MYLK4: variants seen among roughly 807,000 people sequenced by gnomAD.
MYLK4 encodes caMLCK like.
A neutral mutation model predicts 48.1 loss-of-function variants in MYLK4; 46 were observed. The observed-to-expected ratio is 0.96, with a 90% CI of 0.75 to 1.22. MYLK4 has a LOEUF of 1.22. Ranked by LOEUF, MYLK4 falls within the 50% of genes most tolerant of loss-of-function variation. The probability of loss-of-function intolerance (pLI) is 0.00; values close to 1 mark genes in which losing one functional copy is unlikely to be tolerated. For synonymous variants in MYLK4, 170 were observed against 180.8 expected, an observed-to-expected ratio of 0.94 and a Z score of 0.48; for missense variants, 451 against 486.1, an observed-to-expected ratio of 0.93 and a Z score of 0.68.
intron 2 of MYLK4, among the ~76,000 whole-genome samples, chr6:2,704,091 A>G (rs966553894): frequency 6.6e-6 from 1 of 152,222 alleles, no homozygotes; most frequent in Non-Finnish European, 1.5e-5. Context: ...CCCTCAAGGC[A>G]TCTCAGTATC....
intron 10 of MYLK4, among the ~76,000 whole-genome samples, chr6:2,675,920 G>T (rs148216372): frequency 1.1e-4 from 17 of 151,892 alleles, no homozygotes; most frequent in African/African-American, 4.1e-4. Flanking sequence ...GTGAAACCCC[G>T]TCTCTACTAA....
At chr6:2,694,511 G>GCT (rs1761955047) in intron 2 of MYLK4, among the ~76,000 whole-genome samples, 1 of 22,742 alleles carries the variant, frequency 4.4e-5, no homozygotes, top group Non-Finnish European at 8.7e-5. Flanking sequence ...TGGTGGTGGT[G>GCT]GCGGTGGTGG....
intron 2 of MYLK4, among the ~76,000 whole-genome samples, chr6:2,693,203 A>G (rs544756922): frequency 1.3e-5 from 2 of 152,348 alleles, no homozygotes; most frequent in South Asian, 4.1e-4. Context: ...GCCTGTATAG[A>G]CTACAGTATC....
intron 2 of MYLK4, among the ~76,000 whole-genome samples, chr6:2,736,255 G>C (rs1053501029): frequency 6.6e-6 from 1 of 152,188 alleles, no homozygotes; most frequent in African/African-American, 2.4e-5. Flanking sequence ...TATTATTGCT[G>C]TTGCTGTTGT....
chr6:2,704,470 C>T (rs1232927944), intron 2 of MYLK4, among the ~76,000 whole-genome samples: 1 of 152,178 alleles, frequency 6.6e-6, no homozygotes, highest in African/African-American at 2.4e-5. Context: ...AAGTAATTTA[C>T]CATTTGATCA....
chr6:2,663,976 C>G lies in MYLK4; in HGVS notation c.*3949G>C, dbSNP rs933610703. 2.6e-5 allele frequency: 4 copies of G among 152,128 alleles called. No homozygotes were observed. Among genetic ancestry groups the G allele is most frequent in the Admixed American group, 2.6e-4 (4 of 15,268 alleles). 9.4% of individuals were successfully genotyped at this position (152,128 alleles called of 1,614,324 possible). On this transcript the variant is annotated 3_prime_UTR_variant, in exon 13 of 13. Transcript: ENST00000274643. ...AAGGTGAAACTGCCCATAGAAAGAC[C>G]ACTTATACAAAGCACAGCGCACTAA...
chr6:2,742,583 T>C (rs1411785718), intron 2 of MYLK4, among the ~76,000 whole-genome samples: 2 of 150,408 alleles, frequency 1.3e-5, no homozygotes, highest in Admixed American at 6.6e-5. Flanking sequence ...ATGGATGAAA[T>C]TGGAAATCAT....
intron 2 of MYLK4, among the ~76,000 whole-genome samples, chr6:2,745,481 C>T (rs940144197): frequency 1.3e-5 from 2 of 152,132 alleles, no homozygotes; most frequent in African/African-American, 4.8e-5. Context: ...ACACCGTGTA[C>T]GTATGTTTAG....
rs1290731469 is a variant in MYLK4 at position 2,685,843 on chromosome 6, GGAGGATCAC to G, written c.342-276_342-268del. Among the ~76,000 whole-genome samples, 3 of 152,094 alleles carry G rather than the reference GGAGGATCAC, an allele frequency of 2.0e-5. No homozygotes were observed. The highest frequency in any genetic ancestry group is 7.2e-5 in the African/African-American group (3 of 41,404). On this transcript the variant is annotated intron_variant, in intron 4 of 12. Coordinates refer to ENST00000274643, the MANE Select transcript of MYLK4 (RefSeq NM_001012418.5). The surrounding 1 kb of genome is among the most constrained non-coding windows in gnomAD (Gnocchi z 4.5). The stretch of plus-strand genomic sequence containing the variant: ...CCCAGCACTTTGGGAGGCCGAGGCG[GGAGGATCAC>G]GAGGTCAGGACCAGTCTGGCCAACA...
At chr6:2,758,471 T>G in the MYLK4 span, among the ~76,000 whole-genome samples, 1 of 151,772 alleles carries the variant, frequency 6.6e-6, no homozygotes, top group Non-Finnish European at 1.5e-5. Flanking sequence ...GTATCTTTTA[T>G]TGAAAGATAT....
rs1469587821 is a variant in MYLK4 at position 2,673,947 on chromosome 6, T to A, written c.1119+1100A>T. Reference sequence around the variant, plus strand: ...AGGGAGAGGAAGGAAGCAAAGAAGATGTACGGGGGCTGGCTGGGGCCGCTC... The same window carrying A: ...AGGGAGAGGAAGGAAGCAAAGAAGAAGTACGGGGGCTGGCTGGGGCCGCTC... On this transcript the variant is annotated intron_variant, in intron 11 of 12. Coordinates refer to ENST00000274643, the MANE Select transcript of MYLK4 (RefSeq NM_001012418.5). The surrounding 1 kb of genome is among the most constrained non-coding windows in gnomAD (Gnocchi z 4.2). Among the ~76,000 whole-genome samples the A allele has an allele frequency of 1.3e-5, 2 of 152,102 alleles. No homozygotes were observed. The highest frequency in any genetic ancestry group is 3.9e-4 in the East Asian group (2 of 5,192).
At chr6:2,669,682 C>A (rs541649717) in intron 12 of MYLK4, among the ~76,000 whole-genome samples, 60 of 152,268 alleles carry the variant, frequency 3.9e-4, no homozygotes, top group African/African-American at 1.4e-3. Context: ...GACTGGGGCA[C>A]CTCGCTGAGT....
intron 9 of MYLK4, among the ~76,000 whole-genome samples, chr6:2,678,678 G>A (rs1426398746): frequency 6.6e-6 from 1 of 151,816 alleles, no homozygotes; most frequent in Non-Finnish European, 1.5e-5. Flanking sequence ...CACCTCTGAG[G>A]GGTGAGGCTA....
intron 2 of MYLK4, among the ~76,000 whole-genome samples, chr6:2,696,530 C>T (rs750548176): frequency 2.6e-5 from 4 of 152,182 alleles, no homozygotes; most frequent in South Asian, 2.1e-4. Flanking sequence ...ACACTAGTAA[C>T]GGGGCCCTCG....
At chr6:2,678,687 T>C (rs1260547853) in intron 9 of MYLK4, among the ~76,000 whole-genome samples, 1 of 151,198 alleles carries the variant, frequency 6.6e-6, no homozygotes, top group Non-Finnish European at 1.5e-5. Flanking sequence ...GGGGTGAGGC[T>C]AGCCTGAGTC....
At chr6:2,703,084 A>G (rs1762352972) in intron 2 of MYLK4, among the ~76,000 whole-genome samples, 1 of 152,002 alleles carries the variant, frequency 6.6e-6, no homozygotes. Context: ...CAACCTCCCG[A>G]CCTCGCCTCC....
chr6:2,692,418 G>C (rs1338475880), intron 3 of MYLK4, among the ~76,000 whole-genome samples: 1 of 146,988 alleles, frequency 6.8e-6, no homozygotes, highest in Admixed American at 6.8e-5. Context: ...GATTCTTCTG[G>C]GTAGATCTCT....
intron 2 of MYLK4, among the ~76,000 whole-genome samples, chr6:2,701,929 C>T (rs904937767): frequency 6.6e-6 from 1 of 152,224 alleles, no homozygotes; most frequent in African/African-American, 2.4e-5. Flanking sequence ...GTCCCAGCCT[C>T]GTGTGTCTAT....
At chr6:2,725,100 G>A (rs112886080) in intron 2 of MYLK4, among the ~76,000 whole-genome samples, 13,109 of 152,186 alleles carry the variant, frequency 0.086, 661 homozygotes, top group Non-Finnish European at 0.11. Flanking sequence ...GCAGTGAGCC[G>A]AGATAGCCCC....
Sources: gnomAD v4.1 joint callset for allele counts (sites outside exome capture counted in the v4.1 genomes callset) on GRCh38, gnomAD v4.1.1 for gene constraint, Gnocchi (gnomAD v3.1) non-coding constraint, MANE v1.5 for transcripts, NCBI Gene and HGNC (gene_info 2026-07-23, HGNC 2026-07-21) for gene names.